The following MTUS2 variants were observed in gnomAD, a reference collection of about 807,000 sequenced individuals.
The protein encoded by MTUS2 is microtubule associated scaffold protein 2.
In MTUS2, 40 loss-of-function variants were observed where a neutral mutation model predicts 114.1. That is an observed-to-expected ratio of 0.35 (90% CI 0.27 to 0.46). The LOEUF (loss-of-function observed/expected upper bound fraction) is 0.46. Ranked by LOEUF, MTUS2 falls within the 20% of genes least tolerant of loss-of-function variation. The pLI is 1.00. For missense variants in MTUS2, 1,679 were observed against 1,705.4 expected (o/e 0.98, Z 0.27); for synonymous variants, 688 against 672.0 (o/e 1.02, Z -0.37).
rs191983797 is a variant in MTUS2 at position 29,055,481 on chromosome 13, A to G, written c.2446+21356A>G. 2.2e-3 allele frequency among the ~76,000 whole-genome samples: 341 copies of G among 152,244 alleles called. 1 individual carries two copies. Among genetic ancestry groups the G allele is most frequent in the African/African-American group, 7.8e-3 (323 of 41,586 alleles). On this transcript the variant is annotated intron_variant, in intron 4 of 15. Transcript: ENST00000612955. ...ATTTCATCACCCAGGTGATAAACACAGTAGCCTATGGGTAGTTTTTCAATC... is the reference window on the plus strand; with the variant it reads ...ATTTCATCACCCAGGTGATAAACACGGTAGCCTATGGGTAGTTTTTCAATC...
chr13:28,953,244 C>T (rs1882898234), intron 2 of MTUS2, among the ~76,000 whole-genome samples: 1 of 151,614 alleles, frequency 6.6e-6, no homozygotes, highest in African/African-American at 2.4e-5. Flanking sequence ...CGCAGTGTCT[C>T]ATGCCTGTAA....
chr13:29,461,774 C>G (rs1879514959), intron 9 of MTUS2, among the ~76,000 whole-genome samples: 1 of 152,204 alleles, frequency 6.6e-6, no homozygotes, highest in African/African-American at 2.4e-5. Context: ...TCTAAGTTAT[C>G]ATGAATGTAG....
At chr13:29,048,651 G>A (rs1323654317) in intron 4 of MTUS2, among the ~76,000 whole-genome samples, 3 of 152,136 alleles carry the variant, frequency 2.0e-5, no homozygotes, top group African/African-American at 4.8e-5. Context: ...TTAGGTTTTT[G>A]TAGAGACAAG....
At chr13:29,215,980 C>T (rs955264014) in intron 5 of MTUS2, among the ~76,000 whole-genome samples, 14 of 152,306 alleles carry the variant, frequency 9.2e-5, no homozygotes, top group South Asian at 2.1e-4. Context: ...TGCCCATAGC[C>T]GTCCTCTTCC....
chr13:29,495,370 A>AT (rs1354195926), intron 12 of MTUS2, among the ~76,000 whole-genome samples: 2 of 149,382 alleles, frequency 1.3e-5, no homozygotes, highest in Non-Finnish European at 3.0e-5. Flanking sequence ...AAAAAAAAAA[A>AT]AAAAAAAAAA....
At chr13:29,021,200 A>G (rs1886276381) in intron 2 of MTUS2, among the ~76,000 whole-genome samples, 1 of 152,196 alleles carries the variant, frequency 6.6e-6, no homozygotes, top group Non-Finnish European at 1.5e-5. Flanking sequence ...CCAGGAGCTC[A>G]TGGTTGTGGT....
At chr13:29,251,587 C>T (rs1028818328) in intron 5 of MTUS2, among the ~76,000 whole-genome samples, 5 of 152,158 alleles carry the variant, frequency 3.3e-5, no homozygotes, top group South Asian at 2.1e-4. Flanking sequence ...ATCCCTCCCC[C>T]GCAGCTTCTG....
chr13:29,347,540 A>C (rs997046924), intron 7 of MTUS2, among the ~76,000 whole-genome samples: 3 of 150,390 alleles, frequency 2.0e-5, no homozygotes, highest in Non-Finnish European at 4.4e-5. Flanking sequence ...TAAAAAAAAA[A>C]CCCTATTCCT....
chr13:29,138,461 GAT>G (rs1239484255), intron 5 of MTUS2, among the ~76,000 whole-genome samples: 7 of 147,550 alleles, frequency 4.7e-5, no homozygotes, highest in South Asian at 4.2e-4. Context: ...ATAAATAAAA[GAT>G]ATGTATATAA....
chr13:29,293,671 G>A (rs1358350622), intron 6 of MTUS2, among the ~76,000 whole-genome samples: 1 of 151,846 alleles, frequency 6.6e-6, no homozygotes, highest in African/African-American at 2.4e-5. Flanking sequence ...TAAAAAAGTT[G>A]GAAACAATCT....
chr13:28,913,410 T>C (rs1880563699), intron 2 of MTUS2, among the ~76,000 whole-genome samples: 1 of 152,264 alleles, frequency 6.6e-6, no homozygotes, highest in East Asian at 1.9e-4. Flanking sequence ...TGTGATTTAT[T>C]ACATTTATTG....
intron 2 of MTUS2, among the ~76,000 whole-genome samples, chr13:28,855,407 C>A (rs767080783): frequency 6.6e-6 from 1 of 152,056 alleles, no homozygotes; most frequent in Admixed American, 6.6e-5. Context: ...TTTATCCTGA[C>A]GCTCTCCCTC....
chr13:29,473,644 AT>A (rs1880479953), intron 9 of MTUS2, among the ~76,000 whole-genome samples: 1 of 152,206 alleles, frequency 6.6e-6, no homozygotes, highest in African/African-American at 2.4e-5. Context: ...TGTGTGTATT[AT>A]TCATTGTCAA....
intron 7 of MTUS2, among the ~76,000 whole-genome samples, chr13:29,340,809 A>G (rs1162912073): frequency 2.6e-5 from 4 of 152,098 alleles, no homozygotes; most frequent in Non-Finnish European, 4.4e-5. Flanking sequence ...CTTCCCACTC[A>G]TTCCCCCAAG....
intron 5 of MTUS2, among the ~76,000 whole-genome samples, chr13:29,142,267 A>G (rs2139006039): frequency 6.6e-6 from 1 of 152,276 alleles, no homozygotes; most frequent in Non-Finnish European, 1.5e-5. Flanking sequence ...TGGGTTTGTT[A>G]AAACAATTTG....
chr13:29,002,710 A>G (rs1271394317), intron 2 of MTUS2, among the ~76,000 whole-genome samples: 3 of 152,246 alleles, frequency 2.0e-5, no homozygotes, highest in Non-Finnish European at 4.4e-5. Flanking sequence ...ACCAATGTTC[A>G]AAATGATCAC....
rs538261126 is a variant in MTUS2 at position 29,110,205 on chromosome 13, T to G, written c.2644+9235T>G. Among the ~76,000 whole-genome samples, 8 of 152,368 alleles carry G rather than the reference T, an allele frequency of 5.3e-5. No homozygotes were observed. The South Asian group carries it at 1.7e-3, about 32-fold the overall frequency. On this transcript the variant is annotated intron_variant, in intron 5 of 15. Coordinates refer to ENST00000612955, the MANE Select transcript of MTUS2 (RefSeq NM_001033602.4). ...ATACATTAATCTAAGCTGATGGCAT[T>G]TAAACCCTCTGCTCAAAATAGAAAG...
chr13:29,021,222 G>A (rs1381902385), intron 2 of MTUS2, among the ~76,000 whole-genome samples: 2 of 152,182 alleles, frequency 1.3e-5, no homozygotes, highest in African/African-American at 4.8e-5. Context: ...AGCTATGAAC[G>A]TGCTACTGCA....
intron 5 of MTUS2, among the ~76,000 whole-genome samples, chr13:29,114,138 A>C (rs1057128421): frequency 4.6e-5 from 7 of 152,104 alleles, no homozygotes; most frequent in Non-Finnish European, 8.8e-5. Flanking sequence ...AGCTTGCAGA[A>C]ACATGAGCTG....
Sources: allele counts gnomAD v4.1 joint callset (sites outside exome capture counted in the v4.1 genomes callset), GRCh38; gene constraint gnomAD v4.1.1; transcripts MANE v1.5; gene names NCBI Gene and HGNC (gene_info 2026-07-23, HGNC 2026-07-21).